BSND: variants seen among roughly 807,000 people sequenced by gnomAD.
BSND encodes barttin.
Under a neutral mutation model 18.8 loss-of-function variants are expected in BSND, and 13 were observed. That is an observed-to-expected ratio of 0.69 (90% CI 0.45 to 1.10). The LOEUF is 1.10. Among genes scored for constraint, BSND ranks in the 50% least tolerant of loss-of-function variants. The probability of loss-of-function intolerance (pLI) is 0.00; values close to 1 mark genes in which losing one functional copy is unlikely to be tolerated. For missense variants in BSND, 379 were observed against 416.7 expected (o/e 0.91, Z 0.79); for synonymous variants, 170 against 161.8 (o/e 1.05, Z -0.39).
At position 55,013,119 on chromosome 1, in the gene BSND, C is replaced by T. The variant is rs1055797444; in HGVS notation, c.*4491C>T. On this transcript the variant is annotated 3_prime_UTR_variant, in exon 4 of 4. Coordinates refer to ENST00000651561, the MANE Select transcript of BSND (RefSeq NM_057176.3). ...TGCACACTTTTCTTCATTTCATCCT[C>T]GCAGCTTGCAAGGTTGGTGTATTGT... Among the ~76,000 whole-genome samples the T allele has an allele frequency of 6.6e-6, 1 of 152,162 alleles. No homozygotes were observed. The highest frequency in any genetic ancestry group is 1.5e-5 in the Non-Finnish European group (1 of 68,032).
chr1:55,005,408 G>T (rs1644384311), intron 2 of BSND, among the ~76,000 whole-genome samples: 1 of 152,212 alleles, frequency 6.6e-6, no homozygotes, highest in African/African-American at 2.4e-5. Context: ...TAAATGTACT[G>T]TGAGAAATAC....
Position 55,012,470 on chromosome 1 carries a change from T to C in BSND, c.*3842T>C, listed in dbSNP as rs1644427335. On this transcript the variant is annotated 3_prime_UTR_variant, in exon 4 of 4. Coordinates refer to ENST00000651561, the MANE Select transcript of BSND (RefSeq NM_057176.3). ...GTGGCCTTGGACAAGTCACAGCCCC[T>C]CTCAGAGCCTCAATGTCCACATTTA... is the stretch of plus-strand genomic sequence containing the variant. 6.6e-6 allele frequency among the ~76,000 whole-genome samples: 1 copy of C among 152,178 alleles called. No individual in the cohort carries two copies. The highest frequency in any genetic ancestry group is 2.4e-5 in the African/African-American group (1 of 41,448).
In BSND at chr1:55,012,163, C is replaced by T. The variant is rs986595503; in HGVS notation, c.*3535C>T. Reference sequence around the variant, plus strand: ...GGCAGGGAACCTGGGCTCTGCCGACCGCTCGCCATGACCTTGGGTACATCA... The same window carrying T: ...GGCAGGGAACCTGGGCTCTGCCGACTGCTCGCCATGACCTTGGGTACATCA... On this transcript the variant is annotated 3_prime_UTR_variant, in exon 4 of 4. Coordinates refer to ENST00000651561, the MANE Select transcript of BSND (RefSeq NM_057176.3). Among the ~76,000 whole-genome samples, 2 of 152,308 alleles carry T rather than the reference C, an allele frequency of 1.3e-5. No homozygotes were observed. Among genetic ancestry groups the T allele is most frequent in the East Asian group, 1.9e-4 (1 of 5,176 alleles).
chr1:54,999,439 C>A, intron 1 of BSND, 76 bp downstream of exon 1: 1 of 1,434,346 alleles, frequency 7.0e-7, no homozygotes, highest in Non-Finnish European at 9.4e-7. Context: ...GTATGCCATG[C>A]CTCACCCCCT....
chr1:55,008,691 G>A lies in BSND; in HGVS notation c.*63G>A. On this transcript the variant is annotated 3_prime_UTR_variant, in exon 4 of 4. Coordinates refer to ENST00000651561, the MANE Select transcript of BSND (RefSeq NM_057176.3). ...GCTGACCCCTGTGTGACATCACAGG[G>A]CCTCAGTTTCCCTATCTGCAAAATG... 1.2e-6 allele frequency: 2 copies of A among 1,612,378 alleles called. No individual in the cohort carries two copies. The highest frequency in any genetic ancestry group is 1.7e-6 in the Non-Finnish European group (2 of 1,179,316).
At chr1:55,008,037 A>T (rs1311561095) in intron 3 of BSND, among the ~76,000 whole-genome samples, 177 bp from the exon 4 acceptor site, 1 of 152,220 alleles carries the variant, frequency 6.6e-6, no homozygotes. Flanking sequence ...TGCCTTGCAC[A>T]TATTATCTGC....
chr1:54,999,057 T>A lies in BSND; in HGVS notation c.-130T>A. On this transcript the variant is annotated 5_prime_UTR_variant, in exon 1 of 4. Transcript: ENST00000651561. ...AGCGGGATTGAAAGGGATCTTGCTCTCCCTTGAAGCCTTGAGTTGCAGCGA... is the reference window on the plus strand; with the variant it reads ...AGCGGGATTGAAAGGGATCTTGCTCACCCTTGAAGCCTTGAGTTGCAGCGA... The A allele has an allele frequency of 8.7e-7, 1 of 1,147,052 alleles. No individual in the cohort carries two copies. Among genetic ancestry groups the A allele is most frequent in the East Asian group, 2.4e-5 (1 of 41,520 alleles). The allele number at this position is 1,147,052 out of a possible 1,614,324, so 71.1% of individuals were successfully genotyped here.
In BSND at chr1:55,017,145, A is replaced by G. The variant is rs1010278741; in HGVS notation, c.*8517A>G. Among the ~76,000 whole-genome samples the G allele has an allele frequency of 6.6e-6, 1 of 152,214 alleles. No individual in the cohort carries two copies. Among genetic ancestry groups the G allele is most frequent in the African/African-American group, 2.4e-5 (1 of 41,464 alleles). On this transcript the variant is annotated 3_prime_UTR_variant, in exon 4 of 4. Transcript: ENST00000651561. ...CTTAGTTAAGTTCCTGGAACACAGT[A>G]TCCTCTCAATAAATTGTTGTTAAAT...
In BSND at chr1:55,004,574, C is replaced by T. The variant is rs149994008; in HGVS notation, c.178-448C>T. ...ACAGGGACTGGCGGGCATAACTTCT[C>T]TGTCACCCACTGCAGCCCATGTGGC... On this transcript the variant is annotated intron_variant, in intron 1 of 3. Coordinates refer to ENST00000651561, the MANE Select transcript of BSND (RefSeq NM_057176.3). 3.9e-5 allele frequency among the ~76,000 whole-genome samples: 6 copies of T among 152,340 alleles called. No individual in the cohort carries two copies. In the East Asian group the frequency reaches 1.2e-3, roughly 29 times the overall value.
chr1:55,005,001 CTG>C lies in BSND; in HGVS notation c.178-19_178-18del, dbSNP rs771785127. 2.5e-6 allele frequency: 4 copies of C among 1,611,824 alleles called. No individual in the cohort carries two copies. Among genetic ancestry groups the C allele is most frequent in the South Asian group, 1.1e-5 (1 of 91,016 alleles). On this transcript the variant is annotated intron_variant, in intron 1 of 3. Transcript: ENST00000651561. ...CCTACCCTGGTCAACTGCACAGAGG[CTG>C]TCTCTCCTTTGCTTGCAGATCACCT...
rs1435031247 is a variant in BSND, at chr1:55,008,295, C to A, written c.630C>A (p.Ser210Arg). The change falls in exon 4 of 4, where the codon AGC (serine) becomes AGA (arginine). Residue 210 changes from serine (S) to arginine (R), a missense_variant. By Grantham distance (110) the Ser-to-Arg change is moderately radical (BLOSUM62 -1). Transcript: ENST00000651561. The stretch of plus-strand genomic sequence containing the variant: ...ACATGGACTCCAGTGAAGGCAGCAG[C>A]CCCAATGCATCTCCACATGACAGGG... ...DLDMDSSEGS[S>R]PNASPHDREE... 6.2e-7 allele frequency: 1 copy of A among 1,614,104 alleles called. No homozygotes were observed. Among genetic ancestry groups the A allele is most frequent in the African/African-American group, 1.3e-5 (1 of 74,934 alleles).
At chr1:55,001,415 A>G (rs369187996) in intron 1 of BSND, among the ~76,000 whole-genome samples, 64 of 152,038 alleles carry the variant, frequency 4.2e-4, no homozygotes, top group African/African-American at 1.5e-3. Context: ...TGACTCCAAT[A>G]AGGGAAGGGA....
rs942566338 is a variant in BSND, at chr1:54,999,172, A to T, written c.-15A>T. On this transcript the variant is annotated 5_prime_UTR_variant, in exon 1 of 4. Transcript: ENST00000651561. Reference sequence around the variant, plus strand: ...TCTCCCGGGGGTGTGCAGGCCAGGGACTGGCCAGGCAGCCATGGCTGACGA... The same window carrying T: ...TCTCCCGGGGGTGTGCAGGCCAGGGTCTGGCCAGGCAGCCATGGCTGACGA... 9.9e-6 allele frequency: 16 copies of T among 1,609,342 alleles called. No homozygotes were observed. The Admixed American group carries it at 2.0e-4, about 20-fold the overall frequency.
At chr1:55,001,948 C>T (rs762882913) in intron 1 of BSND, among the ~76,000 whole-genome samples, 6 of 152,154 alleles carry the variant, frequency 3.9e-5, no homozygotes, top group Non-Finnish European at 8.8e-5. Flanking sequence ...CTCTTCAGGG[C>T]CTGGGATGCC....
intron 1 of BSND, among the ~76,000 whole-genome samples, chr1:55,002,341 C>T (rs994451591): frequency 1.3e-5 from 2 of 152,112 alleles, no homozygotes; most frequent in African/African-American, 4.8e-5. Context: ...AGGTGCTGAG[C>T]CCATTAGTGA....
rs1238810418 is a variant in BSND at position 54,998,981 on chromosome 1, G to A, written c.-206G>A. On this transcript the variant is annotated 5_prime_UTR_variant, in exon 1 of 4. Coordinates refer to ENST00000651561, the MANE Select transcript of BSND (RefSeq NM_057176.3). ...AGTAAAGGTGGCTGGGTGTGGGTCCGTTGAAGCGAGCCGCCTCCAGCCCTG... is the reference window on the plus strand; with the variant it reads ...AGTAAAGGTGGCTGGGTGTGGGTCCATTGAAGCGAGCCGCCTCCAGCCCTG... 19 of 611,942 alleles carry A rather than the reference G, an allele frequency of 3.1e-5. No homozygotes were observed. The highest frequency in any genetic ancestry group is 8.8e-5 in the Admixed American group (3 of 34,058). 37.9% of individuals were successfully genotyped at this position (611,942 alleles called of 1,614,324 possible).
At chr1:55,005,176 C>A in intron 2 of BSND, 60 bp downstream of exon 2, 2 of 1,511,688 alleles carry the variant, frequency 1.3e-6, no homozygotes, top group Non-Finnish European at 1.8e-6. Flanking sequence ...TCTCCCCTGA[C>A]TGAGGAGAGT....
At chr1:55,004,534 C>T (rs1033044737) in intron 1 of BSND, among the ~76,000 whole-genome samples, 3 of 152,236 alleles carry the variant, frequency 2.0e-5, no homozygotes, top group African/African-American at 7.2e-5. Flanking sequence ...CCTCTTGATT[C>T]CTGAAAGTTC....
Position 55,008,648 on chromosome 1 carries a change from T to G in BSND, c.*20T>G, listed in dbSNP as rs1272603886. The G allele has an allele frequency of 6.8e-6, 11 of 1,613,886 alleles. No individual in the cohort carries two copies. The highest frequency in any genetic ancestry group is 9.3e-6 in the Non-Finnish European group (11 of 1,180,046). ...GGCTGAGATGTTTGTGCTCCGTAGCTTCTAGTCTGGAACTGCTGCTGACCC... is the reference window on the plus strand; with the variant it reads ...GGCTGAGATGTTTGTGCTCCGTAGCGTCTAGTCTGGAACTGCTGCTGACCC... On this transcript the variant is annotated 3_prime_UTR_variant, in exon 4 of 4. Transcript: ENST00000651561.
Sources: gnomAD v4.1 joint callset for allele counts (sites outside exome capture counted in the v4.1 genomes callset) on GRCh38, gnomAD v4.1.1 for gene constraint, MANE v1.5 for transcripts, NCBI Gene and HGNC (gene_info 2026-07-23, HGNC 2026-07-21) for gene names.